The following SLC10A7 variants were observed in gnomAD, a reference collection of about 807,000 sequenced individuals.
SLC10A7 encodes solute carrier family 10 member 7, also known as sodium/bile acid cotransporter 7.
A neutral mutation model predicts 43.2 loss-of-function variants in SLC10A7; 29 were observed. The ratio of observed to expected loss-of-function variants is 0.67; its 90% CI spans 0.50 to 0.92. SLC10A7 has a LOEUF of 0.92. Ranked by LOEUF, SLC10A7 falls within the 40% of genes least tolerant of loss-of-function variation. The pLI is 0.00. For synonymous variants in SLC10A7, 152 were observed against 144.8 expected, an observed-to-expected ratio of 1.05 and a Z score of -0.35; for missense variants, 295 against 403.2, an observed-to-expected ratio of 0.73 and a Z score of 2.30.
intron 4 of SLC10A7, among the ~76,000 whole-genome samples, chr4:146,496,158 T>C (rs1184961699): frequency 6.6e-6 from 1 of 152,222 alleles, no homozygotes; most frequent in Non-Finnish European, 1.5e-5. Context: ...ATATGGGTCA[T>C]CTAGGCAAAA....
chr4:146,481,435 C>T (rs538568284), intron 4 of SLC10A7, among the ~76,000 whole-genome samples: 3 of 152,330 alleles, frequency 2.0e-5, no homozygotes, highest in Admixed American at 2.0e-4. Flanking sequence ...CTTTGTGTCA[C>T]AGAACCTGGG....
intron 7 of SLC10A7, among the ~76,000 whole-genome samples, chr4:146,299,431 A>G (rs1437798581): frequency 6.6e-6 from 1 of 152,208 alleles, no homozygotes; most frequent in Non-Finnish European, 1.5e-5. Context: ...CAAAATAATG[A>G]TACATACTAA....
chr4:146,505,748 T>A (rs1367634806), intron 3 of SLC10A7, among the ~76,000 whole-genome samples: 1 of 152,224 alleles, frequency 6.6e-6, no homozygotes, highest in Non-Finnish European at 1.5e-5. Context: ...TGTCCTATTA[T>A]AAATTCCCAA....
chr4:146,487,784 A>G (rs1018254412), intron 4 of SLC10A7, among the ~76,000 whole-genome samples: 9 of 152,170 alleles, frequency 5.9e-5, no homozygotes, highest in African/African-American at 1.9e-4. Context: ...GGTAGCTCAC[A>G]TCTGTAATCT....
Position 146,299,859 on chromosome 4 carries a change from C to A in SLC10A7, c.556-5764G>T, listed in dbSNP as rs534849368. The stretch of plus-strand genomic sequence containing the variant: ...CTCTGAGAAGCAAAGCTCAGCTGCT[C>A]CAGTAGAAGCGGGGTTGGGCCTTTG... On this transcript the variant is annotated intron_variant, in intron 7 of 11. Coordinates refer to ENST00000335472, the MANE Select transcript of SLC10A7 (RefSeq NM_001029998.6). Among the ~76,000 whole-genome samples the A allele has an allele frequency of 2.7e-3, 404 of 152,214 alleles. 1 individual carries two copies. Among genetic ancestry groups the A allele is most frequent in the African/African-American group, 9.1e-3 (379 of 41,526 alleles).
intron 4 of SLC10A7, among the ~76,000 whole-genome samples, chr4:146,456,638 C>T (rs1732081472): frequency 6.6e-6 from 1 of 151,894 alleles, no homozygotes; most frequent in African/African-American, 2.4e-5. Flanking sequence ...GGAAGGAGTG[C>T]AGAGCTTCTA....
chr4:146,487,995 T>C (rs1289508348), intron 4 of SLC10A7, among the ~76,000 whole-genome samples: 1 of 152,038 alleles, frequency 6.6e-6, no homozygotes, highest in African/African-American at 2.4e-5. Flanking sequence ...AAGGCCAGCC[T>C]GGGAAATATA....
At chr4:146,470,514 T>TA in intron 4 of SLC10A7, among the ~76,000 whole-genome samples, 1 of 152,210 alleles carries the variant, frequency 6.6e-6, no homozygotes, top group South Asian at 2.1e-4. Context: ...ACTGCTCAGA[T>TA]AGAGTTGGTT....
Position 146,430,093 on chromosome 4 carries a change from A to G in SLC10A7, c.435+12690T>C, listed in dbSNP as rs190145527. Among the ~76,000 whole-genome samples the G allele has an allele frequency of 2.5e-3, 379 of 151,102 alleles. 3 individuals are homozygous for G. The highest frequency in any genetic ancestry group is 9.1e-3 in the African/African-American group (369 of 40,476). On this transcript the variant is annotated intron_variant, in intron 5 of 11. Transcript: ENST00000335472. ...TTTGTGACAAACAAGGATTTCTTAG[A>G]TAGGATACAAAATGCCTGAGCCATA...
At chr4:146,435,179 A>C (rs920980021) in intron 5 of SLC10A7, among the ~76,000 whole-genome samples, 8 of 152,348 alleles carry the variant, frequency 5.3e-5, no homozygotes, top group East Asian at 3.9e-4. Context: ...ATTTCCAAAA[A>C]TACAGACTAT....
chr4:146,427,410 T>G (rs985072580), intron 5 of SLC10A7, among the ~76,000 whole-genome samples: 1 of 152,206 alleles, frequency 6.6e-6, no homozygotes, highest in South Asian at 2.1e-4. Context: ...TGGTTTGCAC[T>G]GGTAGGAGTT....
intron 5 of SLC10A7, among the ~76,000 whole-genome samples, chr4:146,344,360 G>C (rs1374578418): frequency 6.6e-6 from 1 of 152,130 alleles, no homozygotes; most frequent in Non-Finnish European, 1.5e-5. Flanking sequence ...GGTTTAATTG[G>C]TTCAAACAGA....
chr4:146,335,251 T>TAAAAAA (rs34522588), intron 5 of SLC10A7, among the ~76,000 whole-genome samples: 1 of 92,640 alleles, frequency 1.1e-5, no homozygotes, highest in Non-Finnish European at 2.1e-5. Context: ...ACAGATGTTG[T>TAAAAAA]AAAAAAAAAA....
At chr4:146,354,397 A>G (rs1301749320) in intron 5 of SLC10A7, among the ~76,000 whole-genome samples, 1 of 152,184 alleles carries the variant, frequency 6.6e-6, no homozygotes, top group Non-Finnish European at 1.5e-5. Context: ...GAGGACACAA[A>G]CAAATGGAAG....
intron 4 of SLC10A7, 58 bp downstream of exon 4, chr4:146,503,789 ATT>A: frequency 1.3e-6 from 2 of 1,490,812 alleles, no homozygotes; most frequent in Non-Finnish European, 1.9e-6. Context: ...AATGTGATAT[ATT>A]TTTGAAATAA....
At chr4:146,310,962 G>T (rs1294513484) in intron 6 of SLC10A7, among the ~76,000 whole-genome samples, 2 of 150,538 alleles carry the variant, frequency 1.3e-5, no homozygotes, top group Admixed American at 6.6e-5. Context: ...GGGGGAGGAT[G>T]GGGGGAGGGG....
intron 6 of SLC10A7, among the ~76,000 whole-genome samples, chr4:146,308,251 A>G (rs1731726745): frequency 6.6e-6 from 1 of 152,170 alleles, no homozygotes; most frequent in African/African-American, 2.4e-5. Context: ...TGGCTCCCTT[A>G]GAAGTGGCTC....
chr4:146,372,819 G>T (rs951684618), intron 5 of SLC10A7, among the ~76,000 whole-genome samples: 2 of 152,054 alleles, frequency 1.3e-5, no homozygotes, highest in Non-Finnish European at 2.9e-5. Context: ...ACATTTTTTG[G>T]ATTAAATAAG....
At chr4:146,493,906 C>A (rs1015958342) in intron 4 of SLC10A7, among the ~76,000 whole-genome samples, 4 of 152,202 alleles carry the variant, frequency 2.6e-5, no homozygotes, top group African/African-American at 9.7e-5. Context: ...ACTGAAAATT[C>A]TATAAATGTA....
Sources: allele counts gnomAD v4.1 joint callset (sites outside exome capture counted in the v4.1 genomes callset), GRCh38; gene constraint gnomAD v4.1.1; transcripts MANE v1.5; gene names NCBI Gene and HGNC (gene_info 2026-07-23, HGNC 2026-07-21).